The following ASH1L variants were observed in gnomAD, a reference collection of about 807,000 sequenced individuals.
ASH1L encodes the protein ASH1 like histone lysine methyltransferase.
ASH1L carries 23 observed loss-of-function variants against 269.0 expected under a neutral mutation model. The observed-to-expected ratio is 0.09, with a 90% confidence interval of 0.06 to 0.12. The LOEUF (loss-of-function observed/expected upper bound fraction) is 0.12, where lower values mean the gene tolerates loss of function less well. Among genes scored for constraint, ASH1L ranks in the 10% least tolerant of loss-of-function variants. ASH1L has a pLI of 1.00. For missense variants in ASH1L, 2,912 were observed against 3,567.8 expected (o/e 0.82, Z 4.68); for synonymous variants, 1,187 against 1,253.5 (o/e 0.95, Z 1.12).
At chr1:155,552,933 G>C (rs1170292720) in intron 1 of ASH1L, among the ~76,000 whole-genome samples, 1 of 152,072 alleles carries the variant, frequency 6.6e-6, no homozygotes, top group Non-Finnish European at 1.5e-5. Context: ...CACACATTAT[G>C]CTAAACACAT....
At chr1:155,542,395 A>G (rs1670483199) in intron 1 of ASH1L, among the ~76,000 whole-genome samples, 1 of 151,908 alleles carries the variant, frequency 6.6e-6, no homozygotes. Context: ...CAAAAATACA[A>G]AAAATTAGCC....
intron 12 of ASH1L, among the ~76,000 whole-genome samples, chr1:155,364,016 G>A (rs1381370228): frequency 1.3e-5 from 2 of 150,234 alleles, no homozygotes; most frequent in Admixed American, 6.6e-5. Flanking sequence ...TCTTCTGGCC[G>A]GGTGTTGTGG....
At chr1:155,365,599 T>G (rs1007601938) in intron 12 of ASH1L, among the ~76,000 whole-genome samples, 1 of 152,020 alleles carries the variant, frequency 6.6e-6, no homozygotes, top group African/African-American at 2.4e-5. Context: ...CTACCTCATT[T>G]CTCCAAAATC....
At chr1:155,526,029 T>C (rs1198553398) in intron 1 of ASH1L, among the ~76,000 whole-genome samples, 1 of 152,178 alleles carries the variant, frequency 6.6e-6, no homozygotes, top group Non-Finnish European at 1.5e-5. Context: ...TTATTTTTAA[T>C]TTTTTCTAAT....
At chr1:155,529,974 A>T (rs560971579) in intron 1 of ASH1L, among the ~76,000 whole-genome samples, 14 of 151,638 alleles carry the variant, frequency 9.2e-5, no homozygotes, top group African/African-American at 2.2e-4. Context: ...AAAAAAAAAT[A>T]AAAAAAATAA....
Position 155,481,678 on chromosome 1 carries a change from C to T in ASH1L, c.1192G>A (p.Gly398Arg). The change falls in exon 3 of 28, where the codon GGA becomes AGA. Residue 398 changes from glycine (G) to arginine (R), a missense_variant. Coordinates refer to ENST00000392403, the MANE Select transcript of ASH1L (RefSeq NM_018489.3). ...AKKIVASSAM[G>R]LVNKDIGKKL... ...TTTCCAATGTCCTTATTAACCAATC[C>T]CATTGCTGAACTTGCTACAATCTTC... 10 of 1,614,152 alleles carry T rather than the reference C, an allele frequency of 6.2e-6. No individual in the cohort carries two copies. The highest frequency in any genetic ancestry group is 7.6e-6 in the Non-Finnish European group (9 of 1,180,010).
At chr1:155,355,522 T>C (rs188724015) in intron 15 of ASH1L, among the ~76,000 whole-genome samples, 23 of 152,320 alleles carry the variant, frequency 1.5e-4, no homozygotes, top group African/African-American at 5.3e-4. Context: ...TTAGACTAAT[T>C]TTCTAGTTCC....
Position 155,438,233 on chromosome 1 carries a change from G to C in ASH1L, c.5828+94C>G, listed in dbSNP as rs186808101. 259 of 1,291,224 alleles carry C rather than the reference G, an allele frequency of 2.0e-4. 1 individual carries two copies. The African/African-American group carries it at 3.1e-3, about 16-fold the overall frequency. 80.0% of individuals were successfully genotyped at this position (1,291,224 alleles called of 1,614,324 possible). On this transcript the variant is annotated intron_variant, in intron 5 of 27. Coordinates refer to ENST00000392403, the MANE Select transcript of ASH1L (RefSeq NM_018489.3). ...TGGTCTCATATAGTAAAAAATGAAAGGTTATAAGATGAAATAATTCAGCTA... is the reference window on the plus strand; with the variant it reads ...TGGTCTCATATAGTAAAAAATGAAACGTTATAAGATGAAATAATTCAGCTA...
chr1:155,480,151 C>G lies in ASH1L; in HGVS notation c.2719G>C (p.Val907Leu), dbSNP rs769292706. 1.9e-6 allele frequency: 3 copies of G among 1,614,118 alleles called. No homozygotes were observed. The South Asian group carries it at 3.3e-5, about 18-fold the overall frequency. Residue 907 changes from valine (V) to leucine (L), a missense_variant, in exon 3 of 28, where the codon GTA (valine) becomes CTA (leucine). Around this residue, in one of 13 missense-constraint regions of ASH1L, gnomAD observed 715 missense variants for 721.0 expected, o/e 0.99. Coordinates refer to ENST00000392403, the MANE Select transcript of ASH1L (RefSeq NM_018489.3). ...GCAACAAATGGAGCCACTGACAGTA[C>G]AGGTGGCTTCATCTTGACTGGTGAC... ...MRSPVKMKPP[V>L]LSVAPFVATE...
chr1:155,530,563 T>TAAAA (rs55994662), intron 1 of ASH1L, among the ~76,000 whole-genome samples: 1 of 140,842 alleles, frequency 7.1e-6, no homozygotes, highest in East Asian at 2.1e-4. Flanking sequence ...CCGTCTCTAC[T>TAAAA]AAAAAAAAAA....
intron 3 of ASH1L, among the ~76,000 whole-genome samples, chr1:155,461,859 T>A (rs1664327484): frequency 1.4e-5 from 2 of 147,708 alleles, no homozygotes; most frequent in Non-Finnish European, 3.0e-5. Flanking sequence ...AGAGCAGTGG[T>A]GCAATCTTGG....
At chr1:155,393,042 G>A (rs1285990212) in intron 7 of ASH1L, among the ~76,000 whole-genome samples, 13 of 152,134 alleles carry the variant, frequency 8.5e-5, no homozygotes, top group Admixed American at 7.9e-4. Flanking sequence ...TTTGCTGAGA[G>A]CCTGCTTCCG....
chr1:155,338,022 A>T, intron 27 of ASH1L, 67 bp downstream of exon 27: 2 of 1,495,830 alleles, frequency 1.3e-6, no homozygotes, highest in Admixed American at 4.2e-5. Flanking sequence ...AGTAATTACA[A>T]TTTTTTTCCA....
chr1:155,453,377 T>TAAAC (rs1663637766), intron 4 of ASH1L, among the ~76,000 whole-genome samples: 1 of 152,114 alleles, frequency 6.6e-6, no homozygotes, highest in South Asian at 2.1e-4. Flanking sequence ...AAAATGTGGC[T>TAAAC]AAACGCCTTT....
In ASH1L at chr1:155,479,450, G is replaced by A; in HGVS notation, c.3420C>T (p.Ser1140=). The change falls in exon 3 of 28, where the codon TCC becomes TCT. Residue 1140 remains serine (S), a synonymous_variant. Coordinates refer to ENST00000392403, the MANE Select transcript of ASH1L (RefSeq NM_018489.3). ...GAGTCTGAATCATACTGCCCTGTCT[G>A]GAGTGTAAATGCAAATATGGCACTG... ...PSSVPYLHLH[S]RQGSMIQTLA... is the part of the protein sequence containing the mutation. 1 of 1,614,162 alleles carries A rather than the reference G, an allele frequency of 6.2e-7. No homozygotes were observed. The highest frequency in any genetic ancestry group is 2.2e-5 in the East Asian group (1 of 44,880).
rs1243776554 is a variant in ASH1L, at chr1:155,343,586, C to G, written c.8120+18G>C. 1 of 1,613,728 alleles carries G rather than the reference C, an allele frequency of 6.2e-7. No homozygotes were observed. Among genetic ancestry groups the G allele is most frequent in the Non-Finnish European group, 8.5e-7 (1 of 1,179,768 alleles). On this transcript the variant is annotated intron_variant, in intron 23 of 27. Coordinates refer to ENST00000392403, the MANE Select transcript of ASH1L (RefSeq NM_018489.3). This position sits in a 1 kb window ranked among gnomAD's most constrained non-coding sequence, Gnocchi z 6.1. ...GTACAGCACGGCTGGAAGAAAAGGA[C>G]AGGACCTCAGCACGTACTTTTCATT...
intron 1 of ASH1L, among the ~76,000 whole-genome samples, chr1:155,536,008 A>G (rs916465736): frequency 6.6e-6 from 1 of 152,094 alleles, no homozygotes; most frequent in Non-Finnish European, 1.5e-5. Context: ...CAAGAAAAAA[A>G]AAAAAAAGAA....
At chr1:155,394,891 T>C (rs1658223154) in intron 7 of ASH1L, among the ~76,000 whole-genome samples, 2 of 152,196 alleles carry the variant, frequency 1.3e-5, no homozygotes, top group Admixed American at 6.5e-5. Context: ...TGGTTTTTCC[T>C]AGGTGACATA....
intron 10 of ASH1L, among the ~76,000 whole-genome samples, chr1:155,371,443 G>A (rs1655932160): frequency 6.6e-6 from 1 of 152,124 alleles, no homozygotes; most frequent in African/African-American, 2.4e-5. Context: ...AGCTACTTGG[G>A]AGGCTGAGGC....
Sources: allele counts gnomAD v4.1 joint callset (sites outside exome capture counted in the v4.1 genomes callset), GRCh38; gene constraint gnomAD v4.1.1; regional missense constraint gnomAD v4.1.1; non-coding constraint Gnocchi (gnomAD v3.1); transcripts MANE v1.5; gene names NCBI Gene and HGNC (gene_info 2026-07-23, HGNC 2026-07-21).